The following NLGN1 variants were observed in gnomAD, a reference collection of about 807,000 sequenced individuals.
NLGN1 encodes the protein neuroligin 1.
NLGN1 carries 12 observed loss-of-function variants against 65.5 expected under a neutral mutation model. That is an observed-to-expected ratio of 0.18 (90% CI 0.12 to 0.30). NLGN1 has a LOEUF of 0.30. NLGN1 is among the 10% of genes least tolerant of loss of function. The pLI, the probability that NLGN1 is intolerant of heterozygous loss-of-function variation, is 1.00. For synonymous variants in NLGN1, 350 were observed against 359.5 expected (o/e 0.97, Z 0.30); for missense variants, 750 against 1,007.1 (o/e 0.74, Z 3.46).
At chr3:173,695,483 C>T (rs1766075738) in intron 3 of NLGN1, 2 of 261,754 alleles carry the variant, frequency 7.6e-6, no homozygotes, top group Non-Finnish European at 1.5e-5. Context: ...TCCATTTATT[C>T]TGAGTCATTA....
chr3:173,675,926 A>G (rs1173247853), intron 3 of NLGN1, among the ~76,000 whole-genome samples: 1 of 142,632 alleles, frequency 7.0e-6, no homozygotes, highest in African/African-American at 2.7e-5. Context: ...CACACACTAG[A>G]GTATAAGTAA....
chr3:173,654,050 A>T (rs115846653), intron 3 of NLGN1, among the ~76,000 whole-genome samples: 1 of 152,184 alleles, frequency 6.6e-6, no homozygotes, highest in African/African-American at 2.4e-5. Flanking sequence ...CTGATGCCAT[A>T]TGGAACTGAG....
intron 2 of NLGN1, among the ~76,000 whole-genome samples, chr3:173,599,272 A>T (rs3853388): frequency 0.89 from 135,014 of 152,200 alleles, 59,933 homozygotes; most frequent in South Asian, 0.92. Context: ...CAGTTTATAT[A>T]CATTGGACAG....
chr3:174,154,071 A>T (rs1724889938), intron 4 of NLGN1, among the ~76,000 whole-genome samples: 1 of 152,192 alleles, frequency 6.6e-6, no homozygotes, highest in East Asian at 1.9e-4. Flanking sequence ...CCATGGCAAA[A>T]TTTTGATGAT....
intron 4 of NLGN1, among the ~76,000 whole-genome samples, chr3:173,913,572 C>T (rs985618499): frequency 6.6e-6 from 1 of 152,152 alleles, no homozygotes; most frequent in African/African-American, 2.4e-5. Context: ...GGGTAAGTCT[C>T]TCAGTGAATG....
intron 3 of NLGN1, among the ~76,000 whole-genome samples, chr3:173,721,449 T>A (rs1246584103): frequency 3.9e-5 from 6 of 152,230 alleles, no homozygotes; most frequent in Admixed American, 2.0e-4. Context: ...ACATAGCACT[T>A]CTTTGCTTTT....
chr3:174,167,805 G>C (rs1044809701), intron 4 of NLGN1, among the ~76,000 whole-genome samples: 6 of 151,486 alleles, frequency 4.0e-5, no homozygotes, highest in Admixed American at 1.3e-4. Flanking sequence ...TTTTCAAGTT[G>C]TTTGCTTTTT....
intron 4 of NLGN1, chr3:173,914,960 G>A (rs369852121): frequency 2.2e-4 from 34 of 152,228 alleles, no homozygotes; most frequent in African/African-American, 7.2e-4. Context: ...TTTCAACGGC[G>A]AATAATCCTT....
intron 4 of NLGN1, among the ~76,000 whole-genome samples, chr3:174,082,326 C>T (rs1485025078): frequency 1.3e-5 from 2 of 151,928 alleles, no homozygotes; most frequent in Non-Finnish European, 2.9e-5. Flanking sequence ...TAAAATCCTA[C>T]TTAGATCATT....
rs72332999 is a variant in NLGN1 at position 173,804,161 on chromosome 3, AT to A, written c.494-3508del. 4.1e-4 allele frequency among the ~76,000 whole-genome samples: 60 copies of A among 148,096 alleles called. 1 individual carries two copies. Among genetic ancestry groups the A allele is most frequent in the Admixed American group, 1.6e-3 (24 of 14,772 alleles). On this transcript the variant is annotated intron_variant, in intron 3 of 6. Transcript: ENST00000457714. Reference sequence around the variant, plus strand: ...AATCAAGGTGTTTACTCAGACTCCAATTTTTTTTTTTAACTTGAAGAACTTG... The same window carrying A: ...AATCAAGGTGTTTACTCAGACTCCAATTTTTTTTTTAACTTGAAGAACTTG...
At chr3:173,803,586 C>A (rs1578514599) in intron 3 of NLGN1, among the ~76,000 whole-genome samples, 2 of 152,120 alleles carry the variant, frequency 1.3e-5, no homozygotes, top group East Asian at 3.9e-4. Flanking sequence ...CCAGCCTGGG[C>A]CGCAGAATGA....
At chr3:173,649,052 A>G (rs1758728917) in intron 3 of NLGN1, among the ~76,000 whole-genome samples, 1 of 152,244 alleles carries the variant, frequency 6.6e-6, no homozygotes. Context: ...AATAAGCATA[A>G]AATGGAATAC....
chr3:174,107,054 A>T (rs1040677493), intron 4 of NLGN1, among the ~76,000 whole-genome samples: 22 of 150,230 alleles, frequency 1.5e-4, no homozygotes, highest in African/African-American at 5.2e-4. Flanking sequence ...AGAGAGAGAA[A>T]TAACTCTTTA....
chr3:173,720,025 G>A (rs1423460770), intron 3 of NLGN1, among the ~76,000 whole-genome samples: 1 of 151,882 alleles, frequency 6.6e-6, no homozygotes, highest in African/African-American at 2.4e-5. Context: ...GAGGTGGGAG[G>A]ATCACTTGAA....
chr3:173,635,369 T>C (rs1376730280), intron 3 of NLGN1, among the ~76,000 whole-genome samples: 1 of 152,162 alleles, frequency 6.6e-6, no homozygotes, highest in Non-Finnish European at 1.5e-5. Context: ...TTAATTCTCA[T>C]TGGTTCTCAA....
intron 4 of NLGN1, among the ~76,000 whole-genome samples, chr3:173,905,698 A>G (rs1738239767): frequency 2.0e-5 from 3 of 152,196 alleles, no homozygotes; most frequent in South Asian, 4.1e-4. Flanking sequence ...GGTAAAAATA[A>G]CAGAAGACAT....
chr3:173,681,002 T>G (rs1763873040), intron 3 of NLGN1, among the ~76,000 whole-genome samples: 1 of 152,206 alleles, frequency 6.6e-6, no homozygotes, highest in Non-Finnish European at 1.5e-5. Context: ...CCCATTTGCT[T>G]CATGTTAAAA....
At chr3:174,246,019 G>C (rs1264324957) in intron 4 of NLGN1, among the ~76,000 whole-genome samples, 1 of 152,238 alleles carries the variant, frequency 6.6e-6, no homozygotes, top group South Asian at 2.1e-4. Context: ...ACAAGCCCTA[G>C]GGAGACACAT....
intron 4 of NLGN1, among the ~76,000 whole-genome samples, chr3:173,919,295 A>G (rs998744026): frequency 6.6e-6 from 1 of 152,348 alleles, no homozygotes; most frequent in Admixed American, 6.5e-5. Context: ...CCCCTTGAGG[A>G]CATAAAGGAC....
Sources: allele counts gnomAD v4.1 joint callset (sites outside exome capture counted in the v4.1 genomes callset), GRCh38; gene constraint gnomAD v4.1.1; transcripts MANE v1.5; gene names NCBI Gene and HGNC (gene_info 2026-07-23, HGNC 2026-07-21).